ADAMTS6: variants seen among roughly 807,000 people sequenced by gnomAD.
ADAMTS6 encodes the protein ADAM metallopeptidase with thrombospondin type 1 motif 6, also known as A disintegrin and metalloproteinase with thrombospondin motifs 6.
Under a neutral mutation model 144.3 loss-of-function variants are expected in ADAMTS6, and 23 were observed. The observed-to-expected ratio is 0.16, with a 90% confidence interval of 0.11 to 0.23. ADAMTS6 has a LOEUF of 0.23. ADAMTS6 is among the 10% of genes least tolerant of loss of function. The probability of loss-of-function intolerance (pLI) is 1.00; values close to 1 mark genes in which losing one functional copy is unlikely to be tolerated. For synonymous variants in ADAMTS6, 444 were observed against 457.5 expected, an observed-to-expected ratio of 0.97 and a Z score of 0.38; for missense variants, 999 against 1,379.6, an observed-to-expected ratio of 0.72 and a Z score of 4.37.
chr5:65,333,121 T>C (rs535832671), intron 8 of ADAMTS6, among the ~76,000 whole-genome samples: 3 of 152,254 alleles, frequency 2.0e-5, no homozygotes, highest in African/African-American at 4.8e-5. Context: ...TTCATAACTA[T>C]TGTTTTACAG....
chr5:65,179,190 C>T lies in ADAMTS6; in HGVS notation c.2911-6182G>A, dbSNP rs564667634. Among the ~76,000 whole-genome samples the T allele has an allele frequency of 3.9e-5, 6 of 152,290 alleles. No homozygotes were observed. In the South Asian group the frequency reaches 1.2e-3, roughly 32 times the overall value. Reference sequence around the variant, plus strand: ...ACCTTCCTCAGACTGAGGACTGTTTCCAGTGTATACATCAAGTCACTGAGG... The same window carrying T: ...ACCTTCCTCAGACTGAGGACTGTTTTCAGTGTATACATCAAGTCACTGAGG... On this transcript the variant is annotated intron_variant, in intron 22 of 24. Transcript: ENST00000381055.
intron 7 of ADAMTS6, among the ~76,000 whole-genome samples, chr5:65,336,098 C>A (rs1051480852): frequency 6.6e-6 from 1 of 151,872 alleles, no homozygotes; most frequent in African/African-American, 2.4e-5. Flanking sequence ...ATAGACAAAA[C>A]CAACTTAGAA....
At chr5:65,333,541 C>G (rs1241956979) in intron 8 of ADAMTS6, among the ~76,000 whole-genome samples, 1 of 150,474 alleles carries the variant, frequency 6.6e-6, no homozygotes. Context: ...TGGGGCTATA[C>G]TTTTTCCACA....
chr5:65,315,791 G>A (rs1554068223), intron 9 of ADAMTS6, among the ~76,000 whole-genome samples: 1 of 151,734 alleles, frequency 6.6e-6, no homozygotes, highest in African/African-American at 2.4e-5. Context: ...AATTCTCTAA[G>A]AAGAAGAAAA....
intron 9 of ADAMTS6, among the ~76,000 whole-genome samples, chr5:65,324,376 A>C (rs1745962300): frequency 6.6e-6 from 1 of 152,186 alleles, no homozygotes; most frequent in African/African-American, 2.4e-5. Context: ...AAATATGCAA[A>C]GCTTTTTTAG....
intron 3 of ADAMTS6, among the ~76,000 whole-genome samples, chr5:65,467,636 A>G (rs1035333176): frequency 2.6e-5 from 4 of 152,144 alleles, no homozygotes; most frequent in Non-Finnish European, 4.4e-5. Flanking sequence ...CATCATTCTT[A>G]AGGAAGATGA....
chr5:65,272,073 T>G (rs1762100074), intron 12 of ADAMTS6, among the ~76,000 whole-genome samples: 1 of 152,192 alleles, frequency 6.6e-6, no homozygotes, highest in African/African-American at 2.4e-5. Context: ...GGGTCCTGAA[T>G]GAAGCCGTCA....
At chr5:65,437,286 G>A (rs747498060) in intron 7 of ADAMTS6, among the ~76,000 whole-genome samples, 7 of 151,938 alleles carry the variant, frequency 4.6e-5, no homozygotes, top group African/African-American at 1.7e-4. Flanking sequence ...AGTAGAGACA[G>A]GGTCTCACCA....
chr5:65,202,462 T>C (rs1159025872), intron 20 of ADAMTS6, among the ~76,000 whole-genome samples: 1 of 152,204 alleles, frequency 6.6e-6, no homozygotes, highest in Non-Finnish European at 1.5e-5. Flanking sequence ...CTATGTCTAA[T>C]GTATACTTTT....
intron 22 of ADAMTS6, among the ~76,000 whole-genome samples, chr5:65,185,499 C>T (rs1754621883): frequency 6.6e-6 from 1 of 152,194 alleles, no homozygotes. Flanking sequence ...AACAGCAGCT[C>T]CCTTGGACAA....
At chr5:65,416,098 C>A in intron 7 of ADAMTS6, 1 of 195,992 alleles carries the variant, frequency 5.1e-6, no homozygotes, top group Non-Finnish European at 1.1e-5. Flanking sequence ...CACCTGACCC[C>A]TGACCTCCGG....
intron 11 of ADAMTS6, among the ~76,000 whole-genome samples, chr5:65,288,598 G>A (rs925623033): frequency 6.6e-6 from 1 of 152,064 alleles, no homozygotes; most frequent in East Asian, 1.9e-4. Flanking sequence ...GATTACAGGC[G>A]TGAGCCACCA....
chr5:65,349,885 T>C (rs1053151666), intron 7 of ADAMTS6, among the ~76,000 whole-genome samples: 1 of 151,766 alleles, frequency 6.6e-6, no homozygotes, highest in East Asian at 1.9e-4. Flanking sequence ...GAGGTCAGAT[T>C]GTCTATCCTT....
At chr5:65,178,179 G>C (rs1330079924) in intron 22 of ADAMTS6, among the ~76,000 whole-genome samples, 1 of 152,130 alleles carries the variant, frequency 6.6e-6, no homozygotes, top group African/African-American at 2.4e-5. Context: ...TGAATAACTG[G>C]AGTGGCACTT....
intron 15 of ADAMTS6, among the ~76,000 whole-genome samples, chr5:65,240,970 G>A (rs1326560957): frequency 6.6e-6 from 1 of 152,064 alleles, no homozygotes; most frequent in African/African-American, 2.4e-5. Context: ...ACAAATAATT[G>A]AACTGTGGAT....
chr5:65,304,816 T>C (rs1344913106), intron 9 of ADAMTS6, among the ~76,000 whole-genome samples: 1 of 151,784 alleles, frequency 6.6e-6, no homozygotes, highest in African/African-American at 2.4e-5. Context: ...TAAACAAAAG[T>C]TACATACAGA....
chr5:65,473,520 T>G, intron 2 of ADAMTS6, 57 bp downstream of exon 2: 1 of 1,468,370 alleles, frequency 6.8e-7, no homozygotes, highest in South Asian at 1.2e-5. Context: ...ATGCAGAATC[T>G]TTTCTTGTCC....
rs1238792852 is a variant in ADAMTS6, at chr5:65,188,058, G to A, written c.2868C>T (p.Asn956=). Residue 956 remains asparagine (N), a synonymous_variant, in exon 22 of 25, where the codon AAC becomes AAT. Transcript: ENST00000381055. ...HRPVEKEPCN[N]QSCPPQWVAL... ...CCACCCACTGTGGTGGACATGACTG[G>A]TTGTTGCAGGGCTCTTTTTCGACAG... 1 of 1,614,098 alleles carries A rather than the reference G, an allele frequency of 6.2e-7. No homozygotes were observed. The highest frequency in any genetic ancestry group is 1.7e-4 in the Middle Eastern group (1 of 6,060).
chr5:65,363,236 A>G lies in ADAMTS6; in HGVS notation c.1074-29151T>C, dbSNP rs141088908. The stretch of plus-strand genomic sequence containing the variant: ...GGGAGAAATACTCAGAAAATACTAT[A>G]GTATGTTACTGATACAATTTCAACA... On this transcript the variant is annotated intron_variant, in intron 7 of 24. Transcript: ENST00000381055. Among the ~76,000 whole-genome samples, 241 of 152,324 alleles carry G rather than the reference A, an allele frequency of 1.6e-3. 1 individual carries two copies. Among genetic ancestry groups the G allele is most frequent in the African/African-American group, 5.6e-3 (234 of 41,588 alleles).
Sources: gnomAD v4.1 joint callset for allele counts (sites outside exome capture counted in the v4.1 genomes callset) on GRCh38, gnomAD v4.1.1 for gene constraint, MANE v1.5 for transcripts, NCBI Gene and HGNC (gene_info 2026-07-23, HGNC 2026-07-21) for gene names.